MBNL3: variants seen among roughly 807,000 people sequenced by gnomAD.
The protein encoded by MBNL3 is muscleblind like splicing regulator 3.
In MBNL3, 6 loss-of-function variants were observed where a neutral mutation model predicts 24.5. The ratio of observed to expected loss-of-function variants is 0.25; its 90% CI spans 0.13 to 0.48. The LOEUF is 0.48. MBNL3 is among the 20% of genes least tolerant of loss of function. The pLI, the probability that MBNL3 is intolerant of heterozygous loss-of-function variation, is 0.99. For synonymous variants in MBNL3, 100 were observed against 101.7 expected (o/e 0.98, Z 0.10); for missense variants, 230 against 293.5 (o/e 0.78, Z 1.58).
At chrX:132,462,283 A>C (rs946540679) in intron 1 of MBNL3, among the ~76,000 whole-genome samples, 1 of 112,240 alleles carries the variant, frequency 8.9e-6, no homozygotes, top group African/African-American at 3.2e-5. Flanking sequence ...GCATGATAAT[A>C]CATGTGGTCA....
In MBNL3 at chrX:132,374,792, A is replaced by C. The variant is rs1442891591; in HGVS notation, c.*4874T>G. The C allele has an allele frequency of 3.6e-5, 4 of 112,061 alleles. No homozygotes were observed. Among genetic ancestry groups the C allele is most frequent in the Non-Finnish European group, 7.5e-5 (4 of 53,038 alleles). 9.2% of individuals were successfully genotyped at this position (112,061 alleles called of 1,213,427 possible). On this transcript the variant is annotated 3_prime_UTR_variant, in exon 9 of 9. Coordinates refer to ENST00000370853, the MANE Select transcript of MBNL3 (RefSeq NM_001386889.1). ...TAAAAATATGAATTAATTTCAAAAG[A>C]GGCTTTAGTCATACATTAATCCTCA... is the stretch of plus-strand genomic sequence containing the variant.
intron 1 of MBNL3, among the ~76,000 whole-genome samples, chrX:132,456,057 G>C (rs1175407746): frequency 1.8e-5 from 2 of 111,899 alleles, no homozygotes; most frequent in Non-Finnish European, 3.8e-5. Context: ...GTTAGAATCA[G>C]ATTTAGTTTA....
At chrX:132,468,822 T>G (rs1415802596) in intron 1 of MBNL3, among the ~76,000 whole-genome samples, 4 of 112,227 alleles carry the variant, frequency 3.6e-5, no homozygotes, top group African/African-American at 1.3e-4. Context: ...AATCTAAAAT[T>G]TATACATGTT....
chrX:132,426,517 A>G (rs1445969567), intron 2 of MBNL3, among the ~76,000 whole-genome samples: 1 of 111,074 alleles, frequency 9.0e-6, no homozygotes, highest in East Asian at 2.8e-4. Flanking sequence ...TGATGGTGTC[A>G]TTTCTCATGC....
intron 3 of MBNL3, among the ~76,000 whole-genome samples, chrX:132,392,944 T>C (rs924824165): frequency 2.7e-5 from 3 of 111,707 alleles, no homozygotes; most frequent in African/African-American, 9.8e-5. Context: ...GAGTTTAGTA[T>C]GGTCCATTAT....
rs771677657 is a variant in MBNL3 at position 132,369,330 on chromosome X, A to G, written c.*10336T>C. 1.1e-4 allele frequency: 12 copies of G among 111,766 alleles called. No homozygotes were observed. Among genetic ancestry groups the G allele is most frequent in the Admixed American group, 1.9e-4 (2 of 10,472 alleles). The allele number at this position is 111,766 out of a possible 1,213,427, so 9.2% of individuals were successfully genotyped here. A position where few individuals can be genotyped will look rare whatever the true frequency, so the allele number is the denominator to read the frequency against. ...CTGAAACACTTTGAATAAACTACAC[A>G]CACATTTATTAAATAGTGAAATGGT... On this transcript the variant is annotated 3_prime_UTR_variant, in exon 9 of 9. Transcript: ENST00000370853.
intron 1 of MBNL3, among the ~76,000 whole-genome samples, chrX:132,455,165 T>C (rs973566723): frequency 1.8e-5 from 2 of 111,636 alleles, no homozygotes; most frequent in African/African-American, 6.5e-5. Flanking sequence ...TCTTCCAAGA[T>C]CAATCTCAAC....
chrX:132,488,179 A>G (rs1948105794), intron 1 of MBNL3, among the ~76,000 whole-genome samples: 1 of 110,774 alleles, frequency 9.0e-6, no homozygotes, highest in African/African-American at 3.3e-5. Context: ...AGCCACAATT[A>G]ATTTATCTGT....
chrX:132,409,032 A>C (rs924053518), intron 2 of MBNL3, among the ~76,000 whole-genome samples: 6 of 112,476 alleles, frequency 5.3e-5, no homozygotes, highest in African/African-American at 1.9e-4. Flanking sequence ...GAGGAGACCA[A>C]GTAATTTAAC....
intron 2 of MBNL3, among the ~76,000 whole-genome samples, chrX:132,435,185 T>C (rs1945050939): frequency 8.9e-6 from 1 of 111,941 alleles, no homozygotes. Flanking sequence ...CACCAACCTA[T>C]AATTGTAATT....
At chrX:132,390,321 T>C (rs763015301) in intron 5 of MBNL3, among the ~76,000 whole-genome samples, 19 of 81,167 alleles carry the variant, frequency 2.3e-4, no homozygotes, top group African/African-American at 8.8e-4. Context: ...CCCAACCACG[T>C]AGAAATTTCC....
At chrX:132,478,746 CTAA>C (rs1947573795) in intron 1 of MBNL3, among the ~76,000 whole-genome samples, 1 of 112,125 alleles carries the variant, frequency 8.9e-6, no homozygotes, top group Non-Finnish European at 1.9e-5. Flanking sequence ...TCATTATGCA[CTAA>C]TGAGTTGTTG....
At chrX:132,396,361 TATATATATTC>T (rs1400111210) in intron 3 of MBNL3, among the ~76,000 whole-genome samples, 15 of 84,851 alleles carry the variant, frequency 1.8e-4, no homozygotes, top group South Asian at 1.0e-3. Context: ...TATATATTCC[TATATATATTC>T]ATATATATTC....
intron 2 of MBNL3, among the ~76,000 whole-genome samples, chrX:132,433,110 G>A (rs1490210302): frequency 2.7e-5 from 3 of 111,860 alleles, no homozygotes; most frequent in Non-Finnish European, 5.6e-5. Context: ...GCAAACTACA[G>A]AGGCATGTAT....
intron 1 of MBNL3, among the ~76,000 whole-genome samples, chrX:132,473,880 G>A (rs1433071668): frequency 5.4e-5 from 6 of 111,162 alleles, no homozygotes; most frequent in Non-Finnish European, 1.1e-4. Context: ...TTGAAAATTC[G>A]CATCGTTTTC....
intron 2 of MBNL3, among the ~76,000 whole-genome samples, chrX:132,428,428 T>G (rs1223530221): frequency 9.2e-6 from 1 of 109,248 alleles, no homozygotes; most frequent in Non-Finnish European, 1.9e-5. Flanking sequence ...CAATAAAACT[T>G]GACCCTGGGG....
chrX:132,393,995 C>G (rs1325638232), intron 3 of MBNL3, among the ~76,000 whole-genome samples: 1 of 111,675 alleles, frequency 9.0e-6, no homozygotes, highest in Non-Finnish European at 1.9e-5. Context: ...TAGAAGGAAG[C>G]ACTCCCCCAT....
In MBNL3 at chrX:132,374,536, C is replaced by A. The variant is rs992553699; in HGVS notation, c.*5130G>T. ...AGTTAAGTCTTAGAGCAAAAACACC[C>A]TCCTTTTCAAAGCCTTAGAAATAAC... On this transcript the variant is annotated 3_prime_UTR_variant, in exon 9 of 9. Transcript: ENST00000370853. 2.7e-5 allele frequency: 3 copies of A among 111,154 alleles called. No individual in the cohort carries two copies. The highest frequency in any genetic ancestry group is 5.7e-5 in the Non-Finnish European group (3 of 52,856). The allele number at this position is 111,154 out of a possible 1,213,427, so 9.2% of individuals were successfully genotyped here.
At chrX:132,421,427 G>A (rs1245286721) in intron 2 of MBNL3, among the ~76,000 whole-genome samples, 1 of 111,407 alleles carries the variant, frequency 9.0e-6, no homozygotes, top group Non-Finnish European at 1.9e-5. Context: ...TTAGGAAACT[G>A]AGGACACTTC....
Sources: allele counts gnomAD v4.1 joint callset (sites outside exome capture counted in the v4.1 genomes callset), GRCh38; gene constraint gnomAD v4.1.1; transcripts MANE v1.5; gene names NCBI Gene and HGNC (gene_info 2026-07-23, HGNC 2026-07-21).